The following SLC24A3 variants were observed in gnomAD, a reference collection of about 807,000 sequenced individuals.
The protein encoded by SLC24A3 is solute carrier family 24 member 3.
In SLC24A3, 28 loss-of-function variants were observed where a neutral mutation model predicts 75.8. The ratio of observed to expected loss-of-function variants is 0.37; its 90% CI spans 0.27 to 0.51. The LOEUF (loss-of-function observed/expected upper bound fraction) is 0.51. Ranked by LOEUF, SLC24A3 falls within the 20% of genes least tolerant of loss-of-function variation. The pLI is 0.94. For missense variants in SLC24A3, 663 were observed against 847.8 expected (o/e 0.78, Z 2.71); for synonymous variants, 372 against 334.1 (o/e 1.11, Z -1.24).
intron 3 of SLC24A3, among the ~76,000 whole-genome samples, chr20:19,577,561 T>C (rs2031158623): frequency 6.6e-6 from 1 of 152,100 alleles, no homozygotes; most frequent in African/African-American, 2.4e-5. Context: ...AGAGTGAAAA[T>C]ATTACAAAAT....
At chr20:19,496,267 G>A (rs1988285665) in intron 2 of SLC24A3, among the ~76,000 whole-genome samples, 1 of 152,288 alleles carries the variant, frequency 6.6e-6, no homozygotes, top group Non-Finnish European at 1.5e-5. Context: ...CATGCAGCAA[G>A]GCCCGATAGG....
intron 3 of SLC24A3, among the ~76,000 whole-genome samples, chr20:19,549,313 G>A (rs1389280044): frequency 1.3e-5 from 2 of 152,148 alleles, no homozygotes; most frequent in Non-Finnish European, 2.9e-5. Context: ...CTGAATTTTA[G>A]GGAAACAATC....
rs553739034 is a variant in SLC24A3, at chr20:19,537,128, C to T, written c.348+21564C>T. ...GAGAAAATTTTTGCAACCTACTCAC[C>T]TGACAAAGGGCTAATATCCAGAATC... On this transcript the variant is annotated intron_variant, in intron 3 of 16. Transcript: ENST00000328041. 7.9e-5 allele frequency among the ~76,000 whole-genome samples: 12 copies of T among 152,240 alleles called. No homozygotes were observed. In the East Asian group the frequency reaches 2.3e-3, roughly 29 times the overall value.
At chr20:19,677,627 G>C (rs2032540080) in intron 9 of SLC24A3, among the ~76,000 whole-genome samples, 1 of 147,398 alleles carries the variant, frequency 6.8e-6, no homozygotes, top group Non-Finnish European at 1.5e-5. Flanking sequence ...AAAAATTCCA[G>C]TATACATCTG....
chr20:19,269,203 G>A (rs1983252758), intron 1 of SLC24A3, among the ~76,000 whole-genome samples: 1 of 152,236 alleles, frequency 6.6e-6, no homozygotes, highest in African/African-American at 2.4e-5. Context: ...TAGCTACCAT[G>A]TTGGACAGTG....
At chr20:19,338,528 C>G (rs1568593596) in intron 2 of SLC24A3, among the ~76,000 whole-genome samples, 1 of 152,170 alleles carries the variant, frequency 6.6e-6, no homozygotes, top group Non-Finnish European at 1.5e-5. Flanking sequence ...TTGTCTTGGC[C>G]TCTGGGATCA....
At chr20:19,720,150 G>T (rs764130796) in intron 16 of SLC24A3, among the ~76,000 whole-genome samples, 1 of 152,246 alleles carries the variant, frequency 6.6e-6, no homozygotes, top group Non-Finnish European at 1.5e-5. Flanking sequence ...CTACACCTGG[G>T]CTGGACAGTA....
chr20:19,525,540 C>T (rs1395645075), intron 3 of SLC24A3, among the ~76,000 whole-genome samples: 1 of 152,096 alleles, frequency 6.6e-6, no homozygotes, highest in Admixed American at 6.5e-5. Context: ...CTGATGACCT[C>T]AAGCAGGGCA....
chr20:19,416,806 A>C (rs1317993643), intron 2 of SLC24A3, among the ~76,000 whole-genome samples: 2 of 152,164 alleles, frequency 1.3e-5, no homozygotes, highest in East Asian at 1.9e-4. Context: ...CTCTGTGCTA[A>C]GTACTTGAGA....
At chr20:19,453,520 C>T (rs543941765) in intron 2 of SLC24A3, among the ~76,000 whole-genome samples, 4 of 152,304 alleles carry the variant, frequency 2.6e-5, no homozygotes, top group East Asian at 1.9e-4. Flanking sequence ...CCTGACCAAG[C>T]TCTGGAGGTC....
chr20:19,369,039 C>CA (rs1985945584), intron 2 of SLC24A3, among the ~76,000 whole-genome samples: 4 of 152,204 alleles, frequency 2.6e-5, no homozygotes, highest in Admixed American at 2.6e-4. Context: ...TGACAATCAT[C>CA]ATCATCATAA....
chr20:19,321,720 A>G (rs1011636692), intron 2 of SLC24A3, among the ~76,000 whole-genome samples: 3 of 152,246 alleles, frequency 2.0e-5, no homozygotes, highest in African/African-American at 7.2e-5. Flanking sequence ...GTTACCTTCC[A>G]AGACGTTGAA....
intron 6 of SLC24A3, among the ~76,000 whole-genome samples, chr20:19,600,607 A>G (rs1441778559): frequency 6.6e-6 from 1 of 152,208 alleles, no homozygotes; most frequent in Non-Finnish European, 1.5e-5. Context: ...TATTAGTCAT[A>G]TTGTATTATT....
At chr20:19,456,532 G>A (rs1047694522) in intron 2 of SLC24A3, among the ~76,000 whole-genome samples, 12 of 152,212 alleles carry the variant, frequency 7.9e-5, no homozygotes, top group African/African-American at 2.9e-4. Flanking sequence ...ATGTGGAACT[G>A]TAAGTCCAAT....
chr20:19,223,368 A>C (rs1173103967), intron 1 of SLC24A3, among the ~76,000 whole-genome samples: 1 of 152,184 alleles, frequency 6.6e-6, no homozygotes, highest in Non-Finnish European at 1.5e-5. Context: ...ATTTTGCAAA[A>C]CTATAGTATA....
At chr20:19,671,281 G>T (rs1047296058) in intron 8 of SLC24A3, among the ~76,000 whole-genome samples, 6 of 152,198 alleles carry the variant, frequency 3.9e-5, no homozygotes, top group African/African-American at 1.4e-4. Context: ...GGCCATTGAG[G>T]TGGGGCACAG....
chr20:19,535,918 C>T (rs2030387838), intron 3 of SLC24A3, among the ~76,000 whole-genome samples: 1 of 152,074 alleles, frequency 6.6e-6, no homozygotes, highest in Non-Finnish European at 1.5e-5. Flanking sequence ...CTGTGTCATC[C>T]CATGGCAGAA....
intron 2 of SLC24A3, among the ~76,000 whole-genome samples, chr20:19,386,360 T>A (rs1986273064): frequency 6.6e-6 from 1 of 152,210 alleles, no homozygotes; most frequent in South Asian, 2.1e-4. Flanking sequence ...TCATGGCATC[T>A]GCAAACAGAG....
chr20:19,626,572 T>C (rs1400155499), intron 6 of SLC24A3, among the ~76,000 whole-genome samples: 2 of 152,230 alleles, frequency 1.3e-5, no homozygotes. Flanking sequence ...TAAGTAGTTC[T>C]TCCCAGGAAA....
Sources: allele counts gnomAD v4.1 joint callset (sites outside exome capture counted in the v4.1 genomes callset), GRCh38; gene constraint gnomAD v4.1.1; transcripts MANE v1.5; gene names NCBI Gene and HGNC (gene_info 2026-07-23, HGNC 2026-07-21).